PHOX2B: variants seen among roughly 807,000 people sequenced by gnomAD.
PHOX2B encodes paired like homeobox 2B.
In PHOX2B, 1 loss-of-function variant was observed where a neutral mutation model predicts 15.5. The observed-to-expected ratio is 0.06, with a 90% CI of 0.02 to 0.31. The LOEUF (loss-of-function observed/expected upper bound fraction) is 0.31, where lower values mean the gene tolerates loss of function less well. Among genes scored for constraint, PHOX2B ranks in the 10% least tolerant of loss-of-function variants. The pLI is 1.00. For missense variants in PHOX2B, 314 were observed against 436.4 expected (o/e 0.72, Z 2.50); for synonymous variants, 206 against 190.5 (o/e 1.08, Z -0.67).
intron 2 of PHOX2B, 59 bp downstream of exon 2, chr4:41,747,290 C>T: frequency 7.0e-7 from 1 of 1,430,086 alleles, no homozygotes; most frequent in Non-Finnish European, 9.7e-7. Flanking sequence ...AGCCGCCCCT[C>T]ACCCCACACC....
Position 41,745,681 on chromosome 4 carries a change from C to A in PHOX2B, c.*126G>T, listed in dbSNP as rs1733859636. 1 of 1,206,360 alleles carries A rather than the reference C, an allele frequency of 8.3e-7. No homozygotes were observed. The highest frequency in any genetic ancestry group is 1.5e-5 in the South Asian group (1 of 66,912). The allele number at this position is 1,206,360 out of a possible 1,614,324, so 74.7% of individuals were successfully genotyped here. Reference sequence around the variant, plus strand: ...TTATTCTTAGCGCGATTACTTTAGGCCCTCAATGAAAAAGCCATGGCAGCA... The same window carrying A: ...TTATTCTTAGCGCGATTACTTTAGGACCTCAATGAAAAAGCCATGGCAGCA... On this transcript the variant is annotated 3_prime_UTR_variant, in exon 3 of 3. Transcript: ENST00000226382. This position sits in a 1 kb window ranked among gnomAD's most constrained non-coding sequence, Gnocchi z 4.0.
chr4:41,747,813 C>CA (rs1733961675), intron 1 of PHOX2B: 1 of 634,372 alleles, frequency 1.6e-6, no homozygotes, highest in African/African-American at 1.8e-5. Context: ...ATAGTGCTTT[C>CA]AGCAGGAAAA....
At position 41,746,559 on chromosome 4, in the gene PHOX2B, G is replaced by T. The variant is rs182812298; in HGVS notation, c.430-237C>A. Among the ~76,000 whole-genome samples, 53 of 152,300 alleles carry T rather than the reference G, an allele frequency of 3.5e-4. 1 individual carries two copies. The East Asian group carries it at 0.01, about 29-fold the overall frequency. On this transcript the variant is annotated intron_variant, in intron 2 of 2. Transcript: ENST00000226382. ...CACGCCAGGGACATGAAGGCTTGCG[G>T]CAGAGTTTAAAAAGCCGCAGGTCCC...
At chr4:41,747,873 C>A (rs1646996736) in intron 1 of PHOX2B, among the ~76,000 whole-genome samples, 1 of 151,972 alleles carries the variant, frequency 6.6e-6, no homozygotes, top group African/African-American at 2.4e-5. Flanking sequence ...ATCAGGGAGC[C>A]AGGAAAGAAG....
rs1733857225 is a variant in PHOX2B, at chr4:41,745,597, T to C, written c.*210A>G. On this transcript the variant is annotated 3_prime_UTR_variant, in exon 3 of 3. Transcript: ENST00000226382. This position sits in a 1 kb window ranked among gnomAD's most constrained non-coding sequence, Gnocchi z 4.0. ...AGCCAGGGAAGTTTGTTTGTTTTGT[T>C]TGGGGGTTGAGGAAGGGGGTAGGAG... 2 of 554,486 alleles carry C rather than the reference T, an allele frequency of 3.6e-6. No individual in the cohort carries two copies. The highest frequency in any genetic ancestry group is 6.0e-6 in the Non-Finnish European group (2 of 331,302). The allele number at this position is 554,486 out of a possible 1,614,324, so 34.3% of individuals were successfully genotyped here. A position where few individuals can be genotyped will look rare whatever the true frequency, so the allele number is the denominator to read the frequency against.
At chr4:41,747,916 A>C (rs892346824) in intron 1 of PHOX2B, among the ~76,000 whole-genome samples, 1 of 152,108 alleles carries the variant, frequency 6.6e-6, no homozygotes, top group Non-Finnish European at 1.5e-5. Context: ...GAACTTTTCA[A>C]TTCTCAGAAA....
In PHOX2B at chr4:41,744,934, C is replaced by G. The variant is rs764865376; in HGVS notation, c.*873G>C. 8.6e-6 allele frequency: 2 copies of G among 233,192 alleles called. No homozygotes were observed. Among genetic ancestry groups the G allele is most frequent in the Admixed American group, 5.6e-5 (1 of 17,782 alleles). The allele number at this position is 233,192 out of a possible 1,614,324, so 14.4% of individuals were successfully genotyped here. ...GGATAGGGCATCTTTCAGGGCCGAA[C>G]GGCTGCAAAGATTCGGGGTTGGGAG... On this transcript the variant is annotated 3_prime_UTR_variant, in exon 3 of 3. Coordinates refer to ENST00000226382, the MANE Select transcript of PHOX2B (RefSeq NM_003924.4).
At chr4:41,748,012 G>C (rs1733968852) in intron 1 of PHOX2B, among the ~76,000 whole-genome samples, 1 of 152,138 alleles carries the variant, frequency 6.6e-6, no homozygotes, top group South Asian at 2.1e-4. Context: ...ACCAGCCAAA[G>C]AGGTGTGAGC....
intron 2 of PHOX2B, 64 bp downstream of exon 2, chr4:41,747,285 C>T: frequency 7.3e-7 from 1 of 1,368,250 alleles, no homozygotes; most frequent in Non-Finnish European, 1.0e-6. Flanking sequence ...TCACCAGCCG[C>T]CCCTCACCCC....
In PHOX2B at chr4:41,747,675, G is replaced by A. The variant is rs564595448; in HGVS notation, c.242-139C>T. On this transcript the variant is annotated intron_variant, in intron 1 of 2. Coordinates refer to ENST00000226382, the MANE Select transcript of PHOX2B (RefSeq NM_003924.4). ...CCGCGCGAGAGAGTTGCCGAGAGAA[G>A]CTGCGGGAAGAAACCGAGGAAATTT... 378 of 756,062 alleles carry A rather than the reference G, an allele frequency of 5.0e-4. 7 individuals are homozygous for A. In the South Asian group the frequency reaches 5.2e-3, roughly 10 times the overall value. The allele number at this position is 756,062 out of a possible 1,614,324, so 46.8% of individuals were successfully genotyped here.
At chr4:41,746,469 A>G (rs1733903919) in intron 2 of PHOX2B, 147 bp from the exon 3 acceptor site, 3 of 758,038 alleles carry the variant, frequency 4.0e-6, no homozygotes, top group East Asian at 2.7e-5. Context: ...CCGCGCGCAC[A>G]TCCACCAAGT....
intron 1 of PHOX2B, 169 bp downstream of exon 1, chr4:41,748,201 T>C: frequency 1.4e-6 from 1 of 723,124 alleles, no homozygotes; most frequent in Non-Finnish European, 2.3e-6. Flanking sequence ...ACCCTGTAAG[T>C]GAATTACCCC....
In PHOX2B at chr4:41,746,074, C is replaced by G. The variant is rs1577559118; in HGVS notation, c.678G>C (p.Ala226=). The part of the protein sequence containing the change: ...GGPSPAGAPG[A]AGPGGPGGEP... ...CGCCTCCCGGGCCCCCGGGCCCCGCCGCCCCCGGAGCTCCAGCCGGGCTGG... is the reference window on the plus strand; with the variant it reads ...CGCCTCCCGGGCCCCCGGGCCCCGCGGCCCCCGGAGCTCCAGCCGGGCTGG... The change falls in exon 3 of 3, where the codon GCG becomes GCC. Residue 226 remains alanine (A), a synonymous_variant. Coordinates refer to ENST00000226382, the MANE Select transcript of PHOX2B (RefSeq NM_003924.4). 1 of 1,447,786 alleles carries G rather than the reference C, an allele frequency of 6.9e-7. No homozygotes were observed. Among genetic ancestry groups the G allele is most frequent in the Non-Finnish European group, 9.0e-7 (1 of 1,108,960 alleles). 89.7% of individuals were successfully genotyped at this position (1,447,786 alleles called of 1,614,324 possible).
chr4:41,744,651 G>C lies in PHOX2B; in HGVS notation c.*1156C>G. ...ATCCACCATACAGGATGTGAGTCCAGTTCGGATCATTCCAACAGAAATGCA... is the reference window on the plus strand; with the variant it reads ...ATCCACCATACAGGATGTGAGTCCACTTCGGATCATTCCAACAGAAATGCA... On this transcript the variant is annotated 3_prime_UTR_variant, in exon 3 of 3. Transcript: ENST00000226382. 1 of 233,630 alleles carries C rather than the reference G, an allele frequency of 4.3e-6. No individual in the cohort carries two copies. Among genetic ancestry groups the C allele is most frequent in the Non-Finnish European group, 8.5e-6 (1 of 118,002 alleles). The allele number at this position is 233,630 out of a possible 1,614,324, so 14.5% of individuals were successfully genotyped here. A position where few individuals can be genotyped will look rare whatever the true frequency, so the allele number is the denominator to read the frequency against.
Position 41,746,104 on chromosome 4 carries a change from G to C in PHOX2B, c.648C>G (p.Gly216=), listed in dbSNP as rs1010286039. 6.5e-7 allele frequency: 1 copy of C among 1,537,988 alleles called. No homozygotes were observed. The highest frequency in any genetic ancestry group is 8.7e-7 in the Non-Finnish European group (1 of 1,145,288). The stretch of plus-strand genomic sequence containing the variant: ...CCGGAGCTCCAGCCGGGCTGGGCCC[G>C]CCGCCGCCGCCTCCATTCGCCCCGC... The part of the protein sequence containing the change: ...PSCGANGGGG[G]GPSPAGAPGA... The change falls in exon 3 of 3, where the codon GGC becomes GGG. Residue 216 remains glycine, a synonymous_variant. Transcript: ENST00000226382.
rs747055965 is a variant in PHOX2B, at chr4:41,747,433, C to A, written c.345G>T (p.Arg115Ser). The stretch of plus-strand genomic sequence containing the variant: ...CGGGGTAGTGAGTCTCCGCGAAGAC[C>A]CTTTCCAGCTCTTTGAGCTGGGCAC... ...FTSAQLKELE[R>S]VFAETHYPDI... Residue 115 changes from arginine (R) to serine (S), a missense_variant, in exon 2 of 3, where the codon AGG becomes AGT. Around this residue, in one of 7 missense-constraint regions of PHOX2B, gnomAD observed 102 missense variants for 155.1 expected, o/e 0.66. Transcript: ENST00000226382. 2.5e-6 allele frequency: 4 copies of A among 1,610,706 alleles called. No individual in the cohort carries two copies. In the South Asian group the frequency reaches 4.4e-5, roughly 18 times the overall value.
chr4:41,745,734 G>T lies in PHOX2B; in HGVS notation c.*73C>A, dbSNP rs1427292836. 1.7e-5 allele frequency: 26 copies of T among 1,537,970 alleles called. 1 individual carries two copies. The highest frequency in any genetic ancestry group is 8.4e-5 in the South Asian group (7 of 83,204). ...GACGACAATAGCCTTGGGCCTACCC[G>T]CTCGCCCACTCGCCCGCCCGGGCCC... is the stretch of plus-strand genomic sequence containing the variant. On this transcript the variant is annotated 3_prime_UTR_variant, in exon 3 of 3. Transcript: ENST00000226382. The surrounding 1 kb of genome is among the most constrained non-coding windows in gnomAD (Gnocchi z 4.0).
At position 41,747,698 on chromosome 4, in the gene PHOX2B, TTTG is replaced by T. The variant is rs751132607; in HGVS notation, c.242-165_242-163del. The T allele has an allele frequency of 3.9e-5, 28 of 719,290 alleles. 1 individual carries two copies. The South Asian group carries it at 4.2e-4, about 11-fold the overall frequency. The allele number at this position is 719,290 out of a possible 1,614,324, so 44.6% of individuals were successfully genotyped here. On this transcript the variant is annotated intron_variant, in intron 1 of 2. Transcript: ENST00000226382. The stretch of plus-strand genomic sequence containing the variant: ...AAGCTGCGGGAAGAAACCGAGGAAA[TTTG>T]TTATCTGCGGAAACCTGGGCTCAAA...
Position 41,747,541 on chromosome 4 carries a change from A to C in PHOX2B, c.242-5T>G, listed in dbSNP as rs779166650. 8.1e-6 allele frequency: 13 copies of C among 1,604,362 alleles called. No homozygotes were observed. In the South Asian group the frequency reaches 1.4e-4, roughly 18 times the overall value. On this transcript the variant is annotated splice_polypyrimidine_tract_variant and splice_region_variant and intron_variant, in intron 1 of 2. Transcript: ENST00000226382. Reference sequence around the variant, plus strand: ...CCGTGAAGAGTTTGTAAGGAACTAGAGTATGACAGAGGAGACAGAAAGTGA... The same window carrying C: ...CCGTGAAGAGTTTGTAAGGAACTAGCGTATGACAGAGGAGACAGAAAGTGA...
Sources: gnomAD v4.1 joint callset for allele counts (sites outside exome capture counted in the v4.1 genomes callset) on GRCh38, gnomAD v4.1.1 for gene constraint, gnomAD v4.1.1 regional missense constraint, Gnocchi (gnomAD v3.1) non-coding constraint, MANE v1.5 for transcripts, NCBI Gene and HGNC (gene_info 2026-07-23, HGNC 2026-07-21) for gene names.